The following USP34 variants were observed in gnomAD, a reference collection of about 807,000 sequenced individuals.
USP34 encodes the protein ubiquitin specific peptidase 34, also known as ubiquitin carboxyl-terminal hydrolase 34.
In USP34, 70 loss-of-function variants were observed where a neutral mutation model predicts 460.3. That is an observed-to-expected ratio of 0.15 (90% confidence interval 0.13 to 0.19). The LOEUF (loss-of-function observed/expected upper bound fraction) is 0.19, where lower values mean the gene tolerates loss of function less well. Among genes scored for constraint, USP34 ranks in the 10% least tolerant of loss-of-function variants. The pLI is 1.00. For missense variants in USP34, 3,985 were observed against 4,236.2 expected (o/e 0.94, Z 1.65); for synonymous variants, 1,647 against 1,405.3 (o/e 1.17, Z -3.85).
At chr2:61,462,221 C>A (rs916036997) in intron 1 of USP34, among the ~76,000 whole-genome samples, 31 of 127,812 alleles carry the variant, frequency 2.4e-4, no homozygotes, top group African/African-American at 8.4e-4. Context: ...CCTGGGGCAA[C>A]AGAACAAGAC....
chr2:61,309,691 G>A (rs533795654), intron 27 of USP34, among the ~76,000 whole-genome samples: 1 of 152,248 alleles, frequency 6.6e-6, no homozygotes, highest in Non-Finnish European at 1.5e-5. Flanking sequence ...AAGAAATTCT[G>A]CTTTGATCTA....
Position 61,288,700 on chromosome 2 carries a change from G to A in USP34, c.4726C>T (p.Leu1576Phe). ...RKAAGDHAKG[L>F]HIPRLTEVFL... The stretch of plus-strand genomic sequence containing the variant: ...ACCTCTGTTAATCGTGGTATATGAA[G>A]ACCCTTAGCATGATCACCAGCAGCC... Residue 1576 changes from leucine (L) to phenylalanine (F), a missense_variant, in exon 34 of 80, where the codon CTT (leucine) becomes TTT (phenylalanine). Around this residue, in one of 14 missense-constraint regions of USP34, gnomAD observed 1,114 missense variants for 1,122.5 expected, o/e 0.99. Transcript: ENST00000398571. The A allele has an allele frequency of 6.2e-7, 1 of 1,613,824 alleles. No individual in the cohort carries two copies. The highest frequency in any genetic ancestry group is 1.1e-5 in the South Asian group (1 of 91,068).
At chr2:61,458,622 G>GAA (rs59134299) in intron 1 of USP34, among the ~76,000 whole-genome samples, 3 of 113,210 alleles carry the variant, frequency 2.6e-5, no homozygotes, top group South Asian at 2.8e-4. Flanking sequence ...AGGCAAAAAG[G>GAA]AAAAAAAAAA....
In USP34 at chr2:61,326,111, T is replaced by C. The variant is rs546817984; in HGVS notation, c.2931-654A>G. Reference sequence around the variant, plus strand: ...CGGCCCCAAAGTCAGAAAGAAGAGATAGAAAAGGAAGTCAGGGAAGAGTGC... The same window carrying C: ...CGGCCCCAAAGTCAGAAAGAAGAGACAGAAAAGGAAGTCAGGGAAGAGTGC... On this transcript the variant is annotated intron_variant, in intron 20 of 79. Coordinates refer to ENST00000398571, the MANE Select transcript of USP34 (RefSeq NM_014709.4). Among the ~76,000 whole-genome samples, 8 of 151,468 alleles carry C rather than the reference T, an allele frequency of 5.3e-5. No individual in the cohort carries two copies. The East Asian group carries it at 1.4e-3, about 26-fold the overall frequency.
At chr2:61,237,101 T>C (rs1053685143) in intron 53 of USP34, among the ~76,000 whole-genome samples, 4 of 152,130 alleles carry the variant, frequency 2.6e-5, no homozygotes, top group Non-Finnish European at 4.4e-5. Context: ...TACACTAATT[T>C]AGAACTTAAT....
At chr2:61,445,671 C>T (rs1695094205) in intron 1 of USP34, among the ~76,000 whole-genome samples, 1 of 150,898 alleles carries the variant, frequency 6.6e-6, no homozygotes, top group Non-Finnish European at 1.5e-5. Flanking sequence ...ATAATAATGT[C>T]TTACAGGCCA....
At chr2:61,268,731 G>T (rs1234053822) in intron 41 of USP34, among the ~76,000 whole-genome samples, 2 of 151,974 alleles carry the variant, frequency 1.3e-5, no homozygotes. Context: ...TGTAAATAAG[G>T]TTTTTTAGAA....
chr2:61,220,386 G>A lies in USP34; in HGVS notation c.7971C>T (p.His2657=), dbSNP rs1049825275. The change falls in exon 67 of 80, where the codon CAC becomes CAT. Residue 2657 remains histidine, a synonymous_variant. Coordinates refer to ENST00000398571, the MANE Select transcript of USP34 (RefSeq NM_014709.4). ...TTTCCATATTCTGTAAGACCCAGCT[G>A]TGTGCCAGTTTATTTCGGGGTGTCT... ...AVQTPRNKLA[H]SWVLQNMENW... The A allele has an allele frequency of 1.2e-6, 2 of 1,613,886 alleles. No individual in the cohort carries two copies. The highest frequency in any genetic ancestry group is 1.7e-6 in the Non-Finnish European group (2 of 1,179,942).
chr2:61,188,034 C>G lies in USP34; in HGVS notation c.*68G>C. 1.3e-6 allele frequency: 2 copies of G among 1,533,720 alleles called. No individual in the cohort carries two copies. The highest frequency in any genetic ancestry group is 1.7e-6 in the Non-Finnish European group (2 of 1,144,048). ...AAACTGAAGCACAAAAACAAATAAG[C>G]AAAACTTATACAAACAGCATGGGGG... On this transcript the variant is annotated 3_prime_UTR_variant, in exon 80 of 80. Transcript: ENST00000398571.
At chr2:61,352,633 T>C (rs951173617) in intron 10 of USP34, among the ~76,000 whole-genome samples, 1 of 148,232 alleles carries the variant, frequency 6.7e-6, no homozygotes, top group African/African-American at 2.5e-5. Context: ...TATTTTTAAG[T>C]AACAAGACCC....
At chr2:61,329,112 C>T (rs1176110559) in intron 20 of USP34, among the ~76,000 whole-genome samples, 1 of 152,142 alleles carries the variant, frequency 6.6e-6, no homozygotes, top group East Asian at 1.9e-4. Context: ...ACCTCCACCT[C>T]CTGGGTTCAA....
intron 33 of USP34, among the ~76,000 whole-genome samples, chr2:61,291,035 G>A (rs1025549436): frequency 6.6e-6 from 1 of 152,022 alleles, no homozygotes; most frequent in Admixed American, 6.6e-5. Flanking sequence ...CCCATAGAAC[G>A]GGAGAAAATA....
intron 66 of USP34, 143 bp downstream of exon 66, chr2:61,221,359 G>C (rs1265942580): frequency 4.4e-6 from 3 of 675,498 alleles, no homozygotes; most frequent in Admixed American, 3.1e-5. Flanking sequence ...GACTAGCTAG[G>C]AACTCTTTTC....
At position 61,361,051 on chromosome 2, in the gene USP34, G is replaced by C. The variant is rs140086923; in HGVS notation, c.1251+9270C>G. Among the ~76,000 whole-genome samples the C allele has an allele frequency of 7.9e-5, 12 of 152,292 alleles. No homozygotes were observed. The South Asian group carries it at 1.5e-3, about 18-fold the overall frequency. On this transcript the variant is annotated intron_variant, in intron 10 of 79. Coordinates refer to ENST00000398571, the MANE Select transcript of USP34 (RefSeq NM_014709.4). ...GCCCCAAATAGCAAAAAACAATCTTGAGTAAGAATAGAGTTGGAAGTATCA... is the reference window on the plus strand; with the variant it reads ...GCCCCAAATAGCAAAAAACAATCTTCAGTAAGAATAGAGTTGGAAGTATCA...
intron 72 of USP34, among the ~76,000 whole-genome samples, 182 bp downstream of exon 72, chr2:61,205,835 G>C (rs1243889416): frequency 6.6e-6 from 1 of 152,168 alleles, no homozygotes; most frequent in Non-Finnish European, 1.5e-5. Flanking sequence ...TATCATGTGG[G>C]TAATGTAATT....
At chr2:61,375,768 C>CAAAAAAAAAAAAAAAAAAAA (rs56304309) in intron 8 of USP34, among the ~76,000 whole-genome samples, 10 of 80,864 alleles carry the variant, frequency 1.2e-4, no homozygotes, top group East Asian at 4.1e-4. Context: ...GACTCTGTCT[C>CAAAAAAAAAAAAAAAAAAAA]AAAAAAAAAA....
At chr2:61,250,142 C>A (rs1383272400) in intron 48 of USP34, 2 of 156,944 alleles carry the variant, frequency 1.3e-5, no homozygotes, top group Admixed American at 6.5e-5. Context: ...CCCAACTACT[C>A]GGGAGGCTGA....
chr2:61,335,099 T>TA (rs540955326), intron 18 of USP34, among the ~76,000 whole-genome samples: 68 of 152,234 alleles, frequency 4.5e-4, no homozygotes, highest in Non-Finnish European at 7.9e-4. Flanking sequence ...GTACTGCTTT[T>TA]AGACTATAAA....
At chr2:61,401,435 G>A (rs1693715194) in intron 3 of USP34, among the ~76,000 whole-genome samples, 1 of 150,346 alleles carries the variant, frequency 6.7e-6, no homozygotes, top group African/African-American at 2.4e-5. Flanking sequence ...ATGAGCTCTT[G>A]CTATGTTGCC....
Sources: gnomAD v4.1 joint callset for allele counts (sites outside exome capture counted in the v4.1 genomes callset) on GRCh38, gnomAD v4.1.1 for gene constraint, gnomAD v4.1.1 regional missense constraint, MANE v1.5 for transcripts, NCBI Gene and HGNC (gene_info 2026-07-23, HGNC 2026-07-21) for gene names.